MIER1: variants seen among roughly 807,000 people sequenced by gnomAD.
MIER1 encodes mesoderm induction early response protein 1.
In MIER1, 40 loss-of-function variants were observed where a neutral mutation model predicts 75.7. That is an observed-to-expected ratio of 0.53 (90% CI 0.41 to 0.69). The LOEUF is 0.69. Ranked by LOEUF, MIER1 falls within the 30% of genes least tolerant of loss-of-function variation. The pLI is 0.00. For missense variants in MIER1, 574 were observed against 680.2 expected (o/e 0.84, Z 1.74); for synonymous variants, 213 against 223.4 (o/e 0.95, Z 0.42).
rs527663304 is a variant in MIER1, at chr1:66,960,272, G to A, written c.699+529G>A. Among the ~76,000 whole-genome samples, 9 of 152,134 alleles carry A rather than the reference G, an allele frequency of 5.9e-5. No homozygotes were observed. In the South Asian group the frequency reaches 1.9e-3, roughly 32 times the overall value. On this transcript the variant is annotated intron_variant, in intron 7 of 13. Coordinates refer to ENST00000401041, the MANE Select transcript of MIER1 (RefSeq NM_001077700.3). Reference sequence around the variant, plus strand: ...TTTCATTCTGTATTACTTTATAAAAGAAAAACTCTCCAAATGATTGAATTT... The same window carrying A: ...TTTCATTCTGTATTACTTTATAAAAAAAAAACTCTCCAAATGATTGAATTT...
intron 4 of MIER1, among the ~76,000 whole-genome samples, chr1:66,953,612 T>TA (rs200170479): frequency 0.059 from 8,851 of 149,584 alleles, 860 homozygotes; most frequent in African/African-American, 0.21. Context: ...TTTTTTTTTT[T>TA]AATATTCTTG....
intron 2 of MIER1, among the ~76,000 whole-genome samples, chr1:66,929,636 G>A (rs555467548): frequency 2.0e-5 from 3 of 152,326 alleles, no homozygotes; most frequent in African/African-American, 7.2e-5. Context: ...TTGTCTAGTT[G>A]TGCAAAATTC....
intron 4 of MIER1, among the ~76,000 whole-genome samples, chr1:66,953,306 C>G (rs1212594218): frequency 6.6e-6 from 1 of 152,130 alleles, no homozygotes; most frequent in African/African-American, 2.4e-5. Flanking sequence ...TAAATCTTTA[C>G]TTCAGTTAGC....
chr1:66,928,826 GT>G, intron 2 of MIER1: 1 of 1,062,682 alleles, frequency 9.4e-7, no homozygotes, highest in East Asian at 2.5e-5. Context: ...GGTAAAAATT[GT>G]TTGTAGATTT....
At chr1:66,982,322 G>GAA (rs1666063737) in intron 13 of MIER1, among the ~76,000 whole-genome samples, 1 of 152,024 alleles carries the variant, frequency 6.6e-6, no homozygotes, top group African/African-American at 2.4e-5. Context: ...GCACTGTTTT[G>GAA]AATATTTAAG....
chr1:66,976,800 T>G lies in MIER1; in HGVS notation c.1229+78T>G, dbSNP rs1415361600. Reference sequence around the variant, plus strand: ...TAGATTTTTCTTGAGTTAATTATTATTTTGATAATCTTGCTTTTATATACT... The same window carrying G: ...TAGATTTTTCTTGAGTTAATTATTAGTTTGATAATCTTGCTTTTATATACT... On this transcript the variant is annotated intron_variant, in intron 12 of 13. Transcript: ENST00000401041. The G allele has an allele frequency of 1.8e-5, 22 of 1,253,732 alleles. No homozygotes were observed. The South Asian group carries it at 4.0e-4, about 23-fold the overall frequency. 77.7% of individuals were successfully genotyped at this position (1,253,732 alleles called of 1,614,324 possible). A position where few individuals can be genotyped will look rare whatever the true frequency, so the allele number is the denominator to read the frequency against.
At chr1:66,962,631 A>C (rs1661487374) in intron 7 of MIER1, among the ~76,000 whole-genome samples, 1 of 152,164 alleles carries the variant, frequency 6.6e-6, no homozygotes, top group Non-Finnish European at 1.5e-5. Context: ...GCAGTGAGCC[A>C]TGATCACTCC....
chr1:66,934,014 T>C (rs1304049581), intron 2 of MIER1, among the ~76,000 whole-genome samples: 2 of 152,236 alleles, frequency 1.3e-5, no homozygotes, highest in East Asian at 3.8e-4. Flanking sequence ...TACCAGTCAT[T>C]GCTTGGGGCT....
At position 66,986,893 on chromosome 1, in the gene MIER1, G is replaced by T. The variant is rs915278362; in HGVS notation, c.*1993G>T. On this transcript the variant is annotated 3_prime_UTR_variant, in exon 14 of 14. Coordinates refer to ENST00000401041, the MANE Select transcript of MIER1 (RefSeq NM_001077700.3). ...CCTAGCTCTTTGTCAAAGATGGTCT[G>T]TAGAAATGTTTTTAAAGATTAGGGA... 1 of 154,490 alleles carries T rather than the reference G, an allele frequency of 6.5e-6. No homozygotes were observed. The highest frequency in any genetic ancestry group is 6.5e-5 in the Admixed American group (1 of 15,404). 9.6% of individuals were successfully genotyped at this position (154,490 alleles called of 1,614,324 possible). A position where few individuals can be genotyped will look rare whatever the true frequency, so the allele number is the denominator to read the frequency against.
At chr1:66,925,172 C>CT in intron 1 of MIER1, 77 bp downstream of exon 1, 1 of 1,494,478 alleles carries the variant, frequency 6.7e-7, no homozygotes, top group Non-Finnish European at 8.9e-7. Context: ...TGTCCTCAGT[C>CT]CCCTTTCTCT....
chr1:66,942,961 G>A (rs764976138), intron 3 of MIER1, among the ~76,000 whole-genome samples: 2 of 152,112 alleles, frequency 1.3e-5, no homozygotes, highest in Non-Finnish European at 2.9e-5. Context: ...AGTCAATAGA[G>A]TGTAACAAGT....
chr1:66,972,505 A>G (rs762491402), intron 10 of MIER1, among the ~76,000 whole-genome samples: 11 of 151,898 alleles, frequency 7.2e-5, no homozygotes, highest in Non-Finnish European at 1.3e-4. Flanking sequence ...GAATGAAGTA[A>G]TATTTTTGTT....
chr1:66,945,619 T>C (rs913645963), intron 3 of MIER1, among the ~76,000 whole-genome samples: 2 of 152,124 alleles, frequency 1.3e-5, no homozygotes, highest in African/African-American at 2.4e-5. Context: ...CCCAGGACTT[T>C]GGGACGCCAA....
chr1:66,952,694 T>G (rs1659239925), intron 4 of MIER1, among the ~76,000 whole-genome samples: 1 of 152,214 alleles, frequency 6.6e-6, no homozygotes. Flanking sequence ...CAGGCTGGAG[T>G]GCAGCAGTGC....
intron 4 of MIER1, among the ~76,000 whole-genome samples, chr1:66,952,852 C>T (rs751554624): frequency 1.3e-5 from 2 of 152,120 alleles, no homozygotes; most frequent in Non-Finnish European, 2.9e-5. Flanking sequence ...GCCATGTTGC[C>T]CAGGCTGGTC....
chr1:66,981,896 T>C lies in MIER1; in HGVS notation c.1347T>C (p.Thr449=). 6.2e-7 allele frequency: 1 copy of C among 1,614,012 alleles called. No homozygotes were observed. The highest frequency in any genetic ancestry group is 8.5e-7 in the Non-Finnish European group (1 of 1,179,910). ...GCCAGTCTGAGAAAGAAGATGGCAC[T>C]GTAAGCACTGCTAATCAAAATGGTA... The part of the protein sequence containing the change: ...SNSQSEKEDG[T]VSTANQNGVS... Residue 449 remains threonine (T), a synonymous_variant, in exon 13 of 14, where the codon ACT becomes ACC. Coordinates refer to ENST00000401041, the MANE Select transcript of MIER1 (RefSeq NM_001077700.3).
At chr1:66,926,116 C>G in intron 1 of MIER1, 26 bp from the exon 2 acceptor site, 2 of 1,580,342 alleles carry the variant, frequency 1.3e-6, no homozygotes, top group Middle Eastern at 1.7e-4. Context: ...CTCCTTGCTA[C>G]TGAGGCTCTC....
chr1:66,949,280 CAG>C (rs922955474), intron 4 of MIER1, among the ~76,000 whole-genome samples: 5 of 151,942 alleles, frequency 3.3e-5, no homozygotes, highest in African/African-American at 1.2e-4. Flanking sequence ...TTTTCTATTT[CAG>C]AAAATGAGAT....
intron 5 of MIER1, 144 bp downstream of exon 5, chr1:66,958,364 T>C: frequency 1.8e-6 from 1 of 551,060 alleles, no homozygotes; most frequent in Admixed American, 3.8e-5. Flanking sequence ...AAATACATAA[T>C]ATAAAAATTG....
Sources: allele counts gnomAD v4.1 joint callset (sites outside exome capture counted in the v4.1 genomes callset), GRCh38; gene constraint gnomAD v4.1.1; transcripts MANE v1.5; gene names NCBI Gene and HGNC (gene_info 2026-07-23, HGNC 2026-07-21).